Variants in DPYD observed in about 807,000 individuals in gnomAD.
DPYD encodes dihydropyrimidine dehydrogenase [NADP(+)].
Under a neutral mutation model 116.2 loss-of-function variants are expected in DPYD, and 109 were observed. That is an observed-to-expected ratio of 0.94 (90% CI 0.80 to 1.10). The LOEUF (loss-of-function observed/expected upper bound fraction) is 1.10, where lower values mean the gene tolerates loss of function less well. Ranked by LOEUF, DPYD falls within the 50% of genes least tolerant of loss-of-function variation. The probability of loss-of-function intolerance (pLI) is 0.00; values close to 1 mark genes in which losing one functional copy is unlikely to be tolerated. For synonymous variants in DPYD, 440 were observed against 432.0 expected, an observed-to-expected ratio of 1.02 and a Z score of -0.23; for missense variants, 1,302 against 1,254.5, an observed-to-expected ratio of 1.04 and a Z score of -0.57.
intron 8 of DPYD, among the ~76,000 whole-genome samples, chr1:97,625,832 C>A (rs979375358): frequency 2.0e-5 from 3 of 151,862 alleles, no homozygotes; most frequent in African/African-American, 7.3e-5. Flanking sequence ...GTTATGGCAG[C>A]CCTGGCAATC....
At chr1:97,344,536 ATTG>A (rs1216907977) in intron 16 of DPYD, among the ~76,000 whole-genome samples, 4 of 151,756 alleles carry the variant, frequency 2.6e-5, no homozygotes, top group Non-Finnish European at 4.4e-5. Flanking sequence ...TACATGTATT[ATTG>A]TTATTTTAAC....
chr1:97,436,458 C>T (rs573307873), intron 14 of DPYD, among the ~76,000 whole-genome samples: 26 of 151,960 alleles, frequency 1.7e-4, no homozygotes, highest in Non-Finnish European at 2.5e-4. Context: ...TTCACTGCAT[C>T]ATTGCCATCC....
intron 14 of DPYD, among the ~76,000 whole-genome samples, chr1:97,388,331 A>G (rs1314313823): frequency 6.6e-6 from 1 of 152,042 alleles, no homozygotes. Context: ...ATGAGTGGAG[A>G]ATTCACTAAA....
At chr1:97,724,300 GGGGGGGGGTGTGTGTGTGTGTGTGTGT>G (rs1416919384) in intron 4 of DPYD, among the ~76,000 whole-genome samples, 25 of 15,048 alleles carry the variant, frequency 1.7e-3, no homozygotes, top group East Asian at 4.8e-3. Flanking sequence ...ATGTGGGGGG[GGGGGGGGGTGTGTGTGTGTGTGTGTGT>G]GTGTGTGTGT....
At chr1:97,794,835 C>G (rs958630931) in intron 3 of DPYD, among the ~76,000 whole-genome samples, 5 of 152,150 alleles carry the variant, frequency 3.3e-5, no homozygotes, top group Admixed American at 6.5e-5. Context: ...ACATCTTTCA[C>G]AAGTCAGATT....
At chr1:97,392,296 C>T (rs2101605398) in intron 14 of DPYD, among the ~76,000 whole-genome samples, 2 of 152,084 alleles carry the variant, frequency 1.3e-5, no homozygotes, top group East Asian at 3.9e-4. Context: ...GTGATAGCTG[C>T]TGATTGATCA....
At chr1:97,370,865 T>C (rs12070583) in intron 16 of DPYD, among the ~76,000 whole-genome samples, 21,237 of 152,120 alleles carry the variant, frequency 0.14, 1,636 homozygotes, top group South Asian at 0.29. Flanking sequence ...TTAGCAATGC[T>C]GAGGTGTTTT....
chr1:97,655,924 A>C (rs1658877376), intron 8 of DPYD, among the ~76,000 whole-genome samples: 1 of 152,176 alleles, frequency 6.6e-6, no homozygotes, highest in Non-Finnish European at 1.5e-5. Context: ...GAAACTAAAA[A>C]GAAGGACACA....
intron 15 of DPYD, among the ~76,000 whole-genome samples, chr1:97,374,887 G>C (rs1392474293): frequency 6.6e-6 from 1 of 151,770 alleles, no homozygotes; most frequent in African/African-American, 2.4e-5. Context: ...AGATTAGCTG[G>C]GTGTGGCGGC....
At chr1:97,251,999 T>C (rs1403440579) in intron 18 of DPYD, among the ~76,000 whole-genome samples, 2 of 152,116 alleles carry the variant, frequency 1.3e-5, no homozygotes, top group Non-Finnish European at 2.9e-5. Flanking sequence ...AGTATATCTT[T>C]ACCTCTCCAA....
chr1:97,502,687 T>G, intron 13 of DPYD, among the ~76,000 whole-genome samples: 1 of 152,010 alleles, frequency 6.6e-6, no homozygotes, highest in Non-Finnish European at 1.5e-5. Flanking sequence ...GGGGCTGTGA[T>G]GTGGGTGGTA....
intron 16 of DPYD, among the ~76,000 whole-genome samples, chr1:97,357,185 T>C (rs1670466636): frequency 6.6e-6 from 1 of 152,216 alleles, no homozygotes; most frequent in South Asian, 2.1e-4. Context: ...TCTTTTTCAA[T>C]TGCTTTCATC....
At chr1:97,545,578 A>G (rs1281870675) in intron 12 of DPYD, 1 of 476,922 alleles carries the variant, frequency 2.1e-6, no homozygotes, top group African/African-American at 2.0e-5. Flanking sequence ...TGAAAAGTAG[A>G]TTAGAGACAC....
intron 14 of DPYD, among the ~76,000 whole-genome samples, chr1:97,448,071 A>G (rs1216610739): frequency 2.0e-5 from 3 of 152,104 alleles, no homozygotes; most frequent in Non-Finnish European, 4.4e-5. Context: ...AAAAAATTAA[A>G]CAATTAGCCG....
At chr1:97,850,752 C>T (rs1315330495) in intron 2 of DPYD, among the ~76,000 whole-genome samples, 5 of 69,610 alleles carry the variant, frequency 7.2e-5, no homozygotes, top group Admixed American at 5.7e-4. Context: ...TTAATTTGAT[C>T]GAGCAAATTG....
intron 12 of DPYD, among the ~76,000 whole-genome samples, chr1:97,543,478 A>G (rs1287017295): frequency 6.6e-6 from 1 of 152,210 alleles, no homozygotes; most frequent in African/African-American, 2.4e-5. Context: ...AAGAATTTCT[A>G]AACACCCAAT....
At chr1:97,438,026 C>T (rs543395063) in intron 14 of DPYD, among the ~76,000 whole-genome samples, 6 of 151,960 alleles carry the variant, frequency 3.9e-5, no homozygotes, top group African/African-American at 9.7e-5. Flanking sequence ...TGTCAAAAAT[C>T]AGTTGTTCAT....
At chr1:97,622,815 A>C (rs1057192539) in intron 8 of DPYD, among the ~76,000 whole-genome samples, 6 of 152,184 alleles carry the variant, frequency 3.9e-5, no homozygotes, top group African/African-American at 1.4e-4. Flanking sequence ...ACTGTATATA[A>C]TTAGATGTTA....
chr1:97,187,211 CT>C (rs377094492), intron 20 of DPYD, among the ~76,000 whole-genome samples: 23 of 152,014 alleles, frequency 1.5e-4, no homozygotes, highest in African/African-American at 4.3e-4. Context: ...TAAGCATTCC[CT>C]TTTTTTTCCC....
Sources: gnomAD v4.1 joint callset for allele counts (sites outside exome capture counted in the v4.1 genomes callset) on GRCh38, gnomAD v4.1.1 for gene constraint, MANE v1.5 for transcripts, NCBI Gene and HGNC (gene_info 2026-07-23, HGNC 2026-07-21) for gene names.